The following PCDHGA2 variants were observed in gnomAD, a reference collection of about 807,000 sequenced individuals.
The protein encoded by PCDHGA2 is protocadherin gamma-A2.
A neutral mutation model predicts 59.2 loss-of-function variants in PCDHGA2; 40 were observed. That is an observed-to-expected ratio of 0.68 (90% CI 0.52 to 0.88). The LOEUF (loss-of-function observed/expected upper bound fraction) is 0.88, where lower values mean the gene tolerates loss of function less well. PCDHGA2 is among the 40% of genes least tolerant of loss of function. The probability of loss-of-function intolerance (pLI) is 0.00; values close to 1 mark genes in which losing one functional copy is unlikely to be tolerated. For synonymous variants in PCDHGA2, 560 were observed against 526.0 expected (o/e 1.06, Z -0.89); for missense variants, 1,226 against 1,204.0 (o/e 1.02, Z -0.27).
rs770235234 is a variant in PCDHGA2 at position 141,422,145 on chromosome 5, G to T, written c.2425-72662G>T. On this transcript the variant is annotated intron_variant, in intron 1 of 3. Coordinates refer to ENST00000394576, the MANE Select transcript of PCDHGA2 (RefSeq NM_018915.4). Reference sequence around the variant, plus strand: ...AAACTGGAGAAGTTCAAGTACGGGGGTCTCTGGATTTTGAAAAATATAGAT... The same window carrying T: ...AAACTGGAGAAGTTCAAGTACGGGGTTCTCTGGATTTTGAAAAATATAGAT... The T allele has an allele frequency of 8.2e-6, 13 of 1,580,608 alleles. No individual in the cohort carries two copies. The African/African-American group carries it at 1.5e-4, about 18-fold the overall frequency.
In PCDHGA2 at chr5:141,476,016, G is replaced by C; in HGVS notation, c.2425-18791G>C. On this transcript the variant is annotated intron_variant, in intron 1 of 3. Transcript: ENST00000394576. This position sits in a 1 kb window ranked among gnomAD's most constrained non-coding sequence, Gnocchi z 7.6. ...TCAACGGCATCCAGAAAGCCATGTC[G>C]GACTCGGCGCCCAGCGCCCAAGCGC... 1 of 1,359,386 alleles carries C rather than the reference G, an allele frequency of 7.4e-7. No homozygotes were observed. The highest frequency in any genetic ancestry group is 2.3e-5 in the East Asian group (1 of 43,300). 84.2% of individuals were successfully genotyped at this position (1,359,386 alleles called of 1,614,324 possible).
At chr5:141,394,557 G>T in intron 1 of PCDHGA2, 1 of 1,614,082 alleles carries the variant, frequency 6.2e-7, no homozygotes, top group South Asian at 1.1e-5. Context: ...GCCCCGCTCC[G>T]CAGAGCGTGG....
At chr5:141,503,802 G>A (rs2099831646) in intron 2 of PCDHGA2, among the ~76,000 whole-genome samples, 1 of 151,998 alleles carries the variant, frequency 6.6e-6, no homozygotes, top group South Asian at 2.1e-4. Context: ...CTTAGGGACG[G>A]GGAATCCCAG....
At chr5:141,406,332 G>A (rs957923011) in intron 1 of PCDHGA2, among the ~76,000 whole-genome samples, 4 of 152,142 alleles carry the variant, frequency 2.6e-5, no homozygotes, top group East Asian at 1.9e-4. Context: ...TTACTCCTAC[G>A]ATCATTTATT....
chr5:141,432,600 C>T lies in PCDHGA2; in HGVS notation c.2425-62207C>T, dbSNP rs901310090. The T allele has an allele frequency of 1.9e-6, 3 of 1,613,832 alleles. No individual in the cohort carries two copies. The East Asian group carries it at 6.7e-5, about 36-fold the overall frequency. ...TACCGTCTGCTCAAGGCCAGCGAGCCGGGACTCTTCTCGGTGGGTCTGCAC... is the reference window on the plus strand; with the variant it reads ...TACCGTCTGCTCAAGGCCAGCGAGCTGGGACTCTTCTCGGTGGGTCTGCAC... On this transcript the variant is annotated intron_variant, in intron 1 of 3. Transcript: ENST00000394576. The surrounding 1 kb of genome is among the most constrained non-coding windows in gnomAD (Gnocchi z 6.0).
Position 141,351,824 on chromosome 5 carries a change from C to A in PCDHGA2, c.2424+10429C>A. The A allele has an allele frequency of 3.1e-6, 5 of 1,613,200 alleles. No individual in the cohort carries two copies. Reference sequence around the variant, plus strand: ...GCGCGCCTTCGACCACGAGCAGCTGCGCGCCTTCGAGCTCACACTGCAGGC... The same window carrying A: ...GCGCGCCTTCGACCACGAGCAGCTGAGCGCCTTCGAGCTCACACTGCAGGC... On this transcript the variant is annotated intron_variant, in intron 1 of 3. Transcript: ENST00000394576.
chr5:141,420,934 C>A (rs2096533899), intron 1 of PCDHGA2: 2 of 377,936 alleles, frequency 5.3e-6, no homozygotes, highest in South Asian at 5.3e-5. Flanking sequence ...TGAGCGTAAT[C>A]ATTTCTTCTG....
chr5:141,448,704 G>A (rs1272148301), intron 1 of PCDHGA2, among the ~76,000 whole-genome samples: 1 of 152,134 alleles, frequency 6.6e-6, no homozygotes. Flanking sequence ...ACTTTGGGAG[G>A]CCGAGGCGGG....
intron 1 of PCDHGA2, chr5:141,423,181 C>T: frequency 1.2e-6 from 2 of 1,613,578 alleles, no homozygotes; most frequent in East Asian, 2.2e-5. Flanking sequence ...GGACCACGGC[C>T]AGCCCCCTCT....
chr5:141,375,745 C>G (rs753247365), intron 1 of PCDHGA2: 4 of 1,614,238 alleles, frequency 2.5e-6, no homozygotes, highest in Non-Finnish European at 3.4e-6. Context: ...TTGTGCTGGA[C>G]CAGAATGACA....
At chr5:141,358,425 C>G (rs17097227) in intron 1 of PCDHGA2, among the ~76,000 whole-genome samples, 21,407 of 152,038 alleles carry the variant, frequency 0.14, 2,091 homozygotes, top group African/African-American at 0.28. Flanking sequence ...AGGGTATTTT[C>G]CATTATAACA....
At chr5:141,383,515 C>G (rs749503295) in intron 1 of PCDHGA2, 1 of 1,612,350 alleles carries the variant, frequency 6.2e-7, no homozygotes, top group Non-Finnish European at 8.5e-7. Flanking sequence ...GGAGGAAGAG[C>G]GGGTTCACCA....
intron 1 of PCDHGA2, chr5:141,404,823 G>A (rs1283913930): frequency 6.2e-7 from 1 of 1,610,946 alleles, no homozygotes. Flanking sequence ...CTGCACACAG[G>A]TGAAGTGCGC....
chr5:141,468,226 G>T (rs967204965), intron 1 of PCDHGA2, among the ~76,000 whole-genome samples: 2 of 151,038 alleles, frequency 1.3e-5, no homozygotes, highest in Admixed American at 1.3e-4. Flanking sequence ...TTGGGAGGAT[G>T]AGGTAGGAGA....
In PCDHGA2 at chr5:141,431,339, TTGG is replaced by T. The variant is rs750589924; in HGVS notation, c.2425-63465_2425-63463del. ...AGCCGACGGTAGTAAGTACCCCGAA[TTGG>T]TGCTGAAACGCGCCCTGGACCGCGA... is the stretch of plus-strand genomic sequence containing the variant. On this transcript the variant is annotated intron_variant, in intron 1 of 3. Coordinates refer to ENST00000394576, the MANE Select transcript of PCDHGA2 (RefSeq NM_018915.4). The surrounding 1 kb of genome is among the most constrained non-coding windows in gnomAD (Gnocchi z 4.8). 4 of 1,614,060 alleles carry T rather than the reference TTGG, an allele frequency of 2.5e-6. No individual in the cohort carries two copies. The Admixed American group carries it at 6.7e-5, about 27-fold the overall frequency.
At chr5:141,366,806 T>G in intron 1 of PCDHGA2, 2 of 1,560,888 alleles carry the variant, frequency 1.3e-6, no homozygotes, top group Non-Finnish European at 1.7e-6. Context: ...GTTTCCTTTT[T>G]CATGTTTCTG....
At position 141,395,259 on chromosome 5, in the gene PCDHGA2, C is replaced by T. The variant is rs1042867033; in HGVS notation, c.2424+53864C>T. ...TCAGGTGAGTTTAGTTCTTTGCTTG[C>T]TTTTAATTTCCAGATGAATTTTATT... On this transcript the variant is annotated intron_variant, in intron 1 of 3. Transcript: ENST00000394576. The T allele has an allele frequency of 3.2e-6, 5 of 1,551,850 alleles. No homozygotes were observed. In the Admixed American group the frequency reaches 1.0e-4, roughly 32 times the overall value.
chr5:141,361,613 C>A (rs1161415348), intron 1 of PCDHGA2: 3 of 1,613,842 alleles, frequency 1.9e-6, no homozygotes, highest in Non-Finnish European at 2.5e-6. Context: ...TCCATCGTAG[C>A]GAGCGACCTG....
intron 1 of PCDHGA2, chr5:141,366,404 T>C (rs1404249999): frequency 6.8e-6 from 11 of 1,614,180 alleles, no homozygotes; most frequent in Non-Finnish European, 9.3e-6. Context: ...CCTCACACTC[T>C]ATCTTGTGGT....
Sources: allele counts gnomAD v4.1 joint callset (sites outside exome capture counted in the v4.1 genomes callset), GRCh38; gene constraint gnomAD v4.1.1; non-coding constraint Gnocchi (gnomAD v3.1); transcripts MANE v1.5; gene names NCBI Gene and HGNC (gene_info 2026-07-23, HGNC 2026-07-21).